MATCAP2: variants seen among roughly 807,000 people sequenced by gnomAD.
MATCAP2 encodes microtubule associated tyrosine carboxypeptidase 2, also known as putative tyrosine carboxypeptidase MATCAP2.
chr7:36,358,742 A>G, the MATCAP2 span, among the ~76,000 whole-genome samples: 17 of 152,344 alleles, frequency 1.1e-4, no homozygotes, highest in East Asian at 3.1e-3. Flanking sequence ...GTATAAACAC[A>G]TTGTTCTTAC....
chr7:36,331,465 G>A, the MATCAP2 span, among the ~76,000 whole-genome samples: 13 of 152,298 alleles, frequency 8.5e-5, no homozygotes, highest in African/African-American at 3.1e-4. Context: ...GGGGAGGCCT[G>A]AGCAGGATAG....
chr7:36,333,794 T>C, the MATCAP2 span: 3 of 1,361,426 alleles, frequency 2.2e-6, no homozygotes, highest in Non-Finnish European at 3.0e-6. Context: ...GATTAGGATA[T>C]AAACAAAATC....
At chr7:36,350,569 C>T in the MATCAP2 span, among the ~76,000 whole-genome samples, 1 of 149,576 alleles carries the variant, frequency 6.7e-6, no homozygotes, top group Admixed American at 6.7e-5. Context: ...GAGTCTCATT[C>T]CGTCACCCAG....
chr7:36,342,598 C>T, the MATCAP2 span, among the ~76,000 whole-genome samples: 2 of 152,100 alleles, frequency 1.3e-5, no homozygotes, highest in Non-Finnish European at 2.9e-5. Context: ...AAGCCTGGAT[C>T]TGGTGCTTCT....
At chr7:36,373,640 C>T in the MATCAP2 span, among the ~76,000 whole-genome samples, 1 of 151,992 alleles carries the variant, frequency 6.6e-6, no homozygotes, top group South Asian at 2.1e-4. Flanking sequence ...AGATGGGGGT[C>T]TCACTATGTT....
At chr7:36,339,035 C>G in the MATCAP2 span, among the ~76,000 whole-genome samples, 3 of 152,098 alleles carry the variant, frequency 2.0e-5, no homozygotes, top group Non-Finnish European at 4.4e-5. Context: ...TGTATAAAAC[C>G]AAGCTGTAAC....
chr7:36,337,598 T>C, the MATCAP2 span: 1 of 152,168 alleles, frequency 6.6e-6, no homozygotes, highest in East Asian at 1.9e-4. Flanking sequence ...GGCTCTGTCC[T>C]CTTCTGGCTG....
At chr7:36,335,290 C>A in the MATCAP2 span, 1 of 986,938 alleles carries the variant, frequency 1.0e-6, no homozygotes, top group Non-Finnish European at 1.5e-6. Context: ...TTGTTTATAA[C>A]CACCTTAAAT....
the MATCAP2 span, among the ~76,000 whole-genome samples, chr7:36,343,727 GT>G: frequency 6.6e-6 from 1 of 151,612 alleles, no homozygotes; most frequent in African/African-American, 2.4e-5. Flanking sequence ...AAAATAAAAT[GT>G]TTAAAGAAGT....
chr7:36,351,799 T>C, the MATCAP2 span, among the ~76,000 whole-genome samples: 1 of 150,882 alleles, frequency 6.6e-6, no homozygotes. Context: ...ATACAAAAAT[T>C]AGCCAGGCAT....
At chr7:36,361,380 A>C in the MATCAP2 span, among the ~76,000 whole-genome samples, 1 of 152,226 alleles carries the variant, frequency 6.6e-6, no homozygotes, top group African/African-American at 2.4e-5. Flanking sequence ...GAAGATCACC[A>C]GAAACAAAGC....
chr7:36,367,532 C>G, the MATCAP2 span, among the ~76,000 whole-genome samples: 1 of 152,142 alleles, frequency 6.6e-6, no homozygotes, highest in African/African-American at 2.4e-5. Context: ...AATAGCAAAG[C>G]CAGTCTACCC....
At chr7:36,352,071 CTTTT>C in the MATCAP2 span, among the ~76,000 whole-genome samples, 8 of 151,514 alleles carry the variant, frequency 5.3e-5, no homozygotes, top group Admixed American at 5.3e-4. Flanking sequence ...ATGAAAATGC[CTTTT>C]TTGAGAAACA....
At chr7:36,359,862 T>C in the MATCAP2 span, among the ~76,000 whole-genome samples, 3 of 152,030 alleles carry the variant, frequency 2.0e-5, no homozygotes, top group African/African-American at 4.8e-5. Flanking sequence ...ATAATGTCGG[T>C]TTCCCTCAAA....
the MATCAP2 span, chr7:36,390,136 G>T: frequency 3.8e-6 from 6 of 1,597,318 alleles, no homozygotes; most frequent in African/African-American, 4.0e-5. Flanking sequence ...ACCCCCACCG[G>T]GCGGAGGGCG....
the MATCAP2 span, among the ~76,000 whole-genome samples, chr7:36,379,845 C>CAGAGAGAGAGAGAG: frequency 7.2e-5 from 9 of 125,412 alleles, no homozygotes; most frequent in East Asian, 8.2e-4. Flanking sequence ...CACACACACA[C>CAGAGAGAGAGAGAG]ACAGAGAGAG....
At chr7:36,388,919 C>T in the MATCAP2 span, among the ~76,000 whole-genome samples, 1 of 152,178 alleles carries the variant, frequency 6.6e-6, no homozygotes, top group Admixed American at 6.5e-5. Context: ...TTAATTTTAG[C>T]TTTATTTCAT....
the MATCAP2 span, among the ~76,000 whole-genome samples, chr7:36,338,410 A>G: frequency 6.6e-6 from 1 of 152,126 alleles, no homozygotes; most frequent in Non-Finnish European, 1.5e-5. Flanking sequence ...GGATCCTCCC[A>G]TCTCAGTCTC....
chr7:36,380,872 G>C, the MATCAP2 span, among the ~76,000 whole-genome samples: 1 of 152,166 alleles, frequency 6.6e-6, no homozygotes, highest in African/African-American at 2.4e-5. Context: ...TGGGATTACA[G>C]GTATGCTTCA....
Sources: gnomAD v4.1 joint callset for allele counts (sites outside exome capture counted in the v4.1 genomes callset) on GRCh38, gnomAD v4.1.1 for gene constraint, MANE v1.5 for transcripts, NCBI Gene and HGNC (gene_info 2026-07-23, HGNC 2026-07-21) for gene names.